The following TMCC3 variants were observed in gnomAD, a reference collection of about 807,000 sequenced individuals.
TMCC3 encodes transmembrane and coiled-coil domain protein 3.
A neutral mutation model predicts 40.2 loss-of-function variants in TMCC3; 28 were observed. The ratio of observed to expected loss-of-function variants is 0.70; its 90% CI spans 0.52 to 0.95. TMCC3 has a LOEUF of 0.95. TMCC3 is among the 40% of genes least tolerant of loss of function. The pLI, the probability that TMCC3 is intolerant of heterozygous loss-of-function variation, is 0.00. For synonymous variants in TMCC3, 255 were observed against 248.5 expected (o/e 1.03, Z -0.25); for missense variants, 554 against 615.2 (o/e 0.90, Z 1.05).
chr12:94,626,798 C>T (rs771560386), intron 1 of TMCC3, among the ~76,000 whole-genome samples: 2 of 152,136 alleles, frequency 1.3e-5, no homozygotes, highest in African/African-American at 2.4e-5. Flanking sequence ...TTACATAAGC[C>T]TTCCACATCC....
intron 3 of TMCC3, among the ~76,000 whole-genome samples, chr12:94,574,734 C>T (rs1360638496): frequency 1.3e-5 from 2 of 152,208 alleles, no homozygotes; most frequent in Non-Finnish European, 2.9e-5. Flanking sequence ...CAGGCATGTA[C>T]TAGAAATCAT....
At chr12:94,636,450 T>A (rs1459592873) in intron 1 of TMCC3, among the ~76,000 whole-genome samples, 2 of 152,174 alleles carry the variant, frequency 1.3e-5, no homozygotes, top group Non-Finnish European at 2.9e-5. Flanking sequence ...AACATATAAT[T>A]CAGGGCAACA....
chr12:94,578,412 C>T lies in TMCC3; in HGVS notation c.1113G>A (p.Glu371=). The stretch of plus-strand genomic sequence containing the variant: ...AAGGTACCTGGATGTCCCGCGAGCG[C>T]TCGTAGGCCTGGTAGGCCACCTTCT... The part of the protein sequence containing the change: ...IEEKVAYQAY[E]RSRDIQEALE... Residue 371 remains glutamate, a synonymous_variant, in exon 3 of 4, where the codon GAG becomes GAA. Coordinates refer to ENST00000261226, the MANE Select transcript of TMCC3 (RefSeq NM_020698.4). 2 of 1,614,010 alleles carry T rather than the reference C, an allele frequency of 1.2e-6. No homozygotes were observed. Among genetic ancestry groups the T allele is most frequent in the Non-Finnish European group, 1.7e-6 (2 of 1,179,938 alleles).
intron 1 of TMCC3, among the ~76,000 whole-genome samples, chr12:94,584,339 T>C (rs2068625137): frequency 1.3e-5 from 2 of 152,126 alleles, no homozygotes; most frequent in Non-Finnish European, 2.9e-5. Context: ...CCGCTCTGCC[T>C]TCCACCATGA....
In TMCC3 at chr12:94,608,942, A is replaced by G. The variant is rs142644583; in HGVS notation, c.79-26404T>C. On this transcript the variant is annotated intron_variant, in intron 1 of 3. Transcript: ENST00000261226. The stretch of plus-strand genomic sequence containing the variant: ...TTATGTTTAGTGTATCAAACATATC[A>G]AGGAATTTGGGCCAGGCGCTGTGGC... Among the ~76,000 whole-genome samples the G allele has an allele frequency of 5.2e-3, 797 of 152,284 alleles. 3 individuals are homozygous for G. The highest frequency in any genetic ancestry group is 8.8e-3 in the Non-Finnish European group (601 of 68,026).
At chr12:94,622,196 A>C (rs1324857791) in intron 1 of TMCC3, among the ~76,000 whole-genome samples, 1 of 152,150 alleles carries the variant, frequency 6.6e-6, no homozygotes, top group Non-Finnish European at 1.5e-5. Flanking sequence ...CCATGGCCTG[A>C]AACCAGGATC....
At chr12:94,616,502 A>G (rs2068848675) in intron 1 of TMCC3, 1 of 152,314 alleles carries the variant, frequency 6.6e-6, no homozygotes, top group Non-Finnish European at 1.5e-5. Context: ...CATTCATGAG[A>G]CAGACACTTG....
intron 1 of TMCC3, among the ~76,000 whole-genome samples, chr12:94,631,706 T>C (rs77187988): frequency 0.012 from 1,790 of 152,342 alleles, 15 homozygotes; most frequent in African/African-American, 0.013. Flanking sequence ...ACACTGGCCC[T>C]AATCTCATGT....
chr12:94,606,543 T>C (rs547097723), intron 1 of TMCC3, among the ~76,000 whole-genome samples: 2 of 152,064 alleles, frequency 1.3e-5, no homozygotes, highest in African/African-American at 4.8e-5. Context: ...ATTTTTGTAT[T>C]TTTAGTAGAG....
chr12:94,574,400 A>T (rs1275582039), intron 3 of TMCC3, among the ~76,000 whole-genome samples: 12 of 151,890 alleles, frequency 7.9e-5, no homozygotes, highest in Admixed American at 7.9e-4. Context: ...AACAAAAAAA[A>T]AAAACAGAAT....
At chr12:94,574,437 G>T (rs951462212) in intron 3 of TMCC3, among the ~76,000 whole-genome samples, 6 of 151,478 alleles carry the variant, frequency 4.0e-5, no homozygotes, top group African/African-American at 1.5e-4. Flanking sequence ...AAACCTTCAG[G>T]CCTGCTGGGT....
chr12:94,635,144 C>T (rs553623908), intron 1 of TMCC3, among the ~76,000 whole-genome samples: 4 of 152,172 alleles, frequency 2.6e-5, no homozygotes, highest in Admixed American at 6.5e-5. Context: ...GGAAACAGAT[C>T]GTTACCTACA....
chr12:94,591,337 G>C (rs1026832629), intron 1 of TMCC3, among the ~76,000 whole-genome samples: 1 of 151,636 alleles, frequency 6.6e-6, no homozygotes, highest in Admixed American at 6.6e-5. Flanking sequence ...CAATAAATAT[G>C]ACCACCAAGA....
intron 3 of TMCC3, among the ~76,000 whole-genome samples, chr12:94,573,019 T>G (rs985985472): frequency 1.3e-5 from 2 of 152,204 alleles, no homozygotes; most frequent in South Asian, 2.1e-4. Flanking sequence ...CAGATCTCCA[T>G]GCCTCTTTGA....
chr12:94,584,843 C>T (rs1318634790), intron 1 of TMCC3, among the ~76,000 whole-genome samples: 1 of 151,696 alleles, frequency 6.6e-6, no homozygotes, highest in Non-Finnish European at 1.5e-5. Context: ...GAAGTTGTGA[C>T]TTCACCTGGT....
At position 94,650,435 on chromosome 12, in the gene TMCC3, G is replaced by A; in HGVS notation, c.-5C>T. 1 of 1,288,720 alleles carries A rather than the reference G, an allele frequency of 7.8e-7. No homozygotes were observed. Among genetic ancestry groups the A allele is most frequent in the Non-Finnish European group, 9.9e-7 (1 of 1,012,792 alleles). The allele number at this position is 1,288,720 out of a possible 1,614,324, so 79.8% of individuals were successfully genotyped here. A position where few individuals can be genotyped will look rare whatever the true frequency, so the allele number is the denominator to read the frequency against. On this transcript the variant is annotated 5_prime_UTR_variant, in exon 1 of 4. Transcript: ENST00000261226. ...CGCCGTGTCGCTGCCCGGCATCTCC[G>A]CGCTCCGGCCGCGAACTTTCCCGTC... is the stretch of plus-strand genomic sequence containing the variant.
intron 1 of TMCC3, among the ~76,000 whole-genome samples, chr12:94,613,043 GGA>G (rs1351718035): frequency 2.0e-5 from 3 of 150,566 alleles, no homozygotes; most frequent in Non-Finnish European, 4.4e-5. Flanking sequence ...GCAATAAAAT[GGA>G]GAGATATATA....
At chr12:94,616,220 T>C in intron 1 of TMCC3, 2 of 469,758 alleles carry the variant, frequency 4.3e-6, no homozygotes, top group Non-Finnish European at 5.6e-6. Context: ...AGATCCACAT[T>C]CTATATCTTT....
chr12:94,646,423 G>A (rs921892973), intron 1 of TMCC3, among the ~76,000 whole-genome samples: 158 of 142,048 alleles, frequency 1.1e-3, no homozygotes, highest in African/African-American at 4.0e-3. Flanking sequence ...ATATTTGAAA[G>A]CACACACCTT....
Sources: allele counts gnomAD v4.1 joint callset (sites outside exome capture counted in the v4.1 genomes callset), GRCh38; gene constraint gnomAD v4.1.1; transcripts MANE v1.5; gene names NCBI Gene and HGNC (gene_info 2026-07-23, HGNC 2026-07-21).